The following PIWIL1 variants were observed in gnomAD, a reference collection of about 807,000 sequenced individuals.
The protein encoded by PIWIL1 is piwi like RNA-mediated gene silencing 1.
In PIWIL1, 73 loss-of-function variants were observed where a neutral mutation model predicts 114.4. The ratio of observed to expected loss-of-function variants is 0.64; its 90% CI spans 0.53 to 0.78. The LOEUF is 0.78. Among genes scored for constraint, PIWIL1 ranks in the 30% least tolerant of loss-of-function variants. PIWIL1 has a pLI of 0.00. For synonymous variants in PIWIL1, 375 were observed against 369.0 expected (o/e 1.02, Z -0.19); for missense variants, 723 against 1,063.1 (o/e 0.68, Z 4.45).
the PIWIL1 span, chr12:130,397,344 G>A: frequency 2.5e-6 from 1 of 398,992 alleles, no homozygotes; most frequent in Non-Finnish European, 4.4e-6. Context: ...TTTGGCAGTT[G>A]TCCGGAAGCA....
At chr12:130,414,340 A>G in the PIWIL1 span, 2 of 1,544,512 alleles carry the variant, frequency 1.3e-6, no homozygotes, top group Admixed American at 3.9e-5. Flanking sequence ...ACAGAGCGGC[A>G]GTGAGCCTAA....
chr12:130,400,586 G>A, the PIWIL1 span, among the ~76,000 whole-genome samples: 3 of 152,088 alleles, frequency 2.0e-5, no homozygotes, highest in African/African-American at 7.2e-5. Flanking sequence ...GCTGGCTCTG[G>A]GCAACACGGA....
At chr12:130,353,250 C>T (rs866491813) in intron 9 of PIWIL1, among the ~76,000 whole-genome samples, 83 of 86,552 alleles carry the variant, frequency 9.6e-4, no homozygotes, top group Non-Finnish European at 1.1e-3. Flanking sequence ...TTTTTGTTCT[C>T]CTGGTATGCT....
downstream of PIWIL1, among the ~76,000 whole-genome samples, chr12:130,377,047 C>T (rs949279739): frequency 5.3e-5 from 8 of 152,196 alleles, no homozygotes; most frequent in Admixed American, 2.0e-4. Context: ...CCCCTGTGAG[C>T]GTGCAGCCTA....
At chr12:130,406,172 A>G in the PIWIL1 span, 2 of 1,517,780 alleles carry the variant, frequency 1.3e-6, no homozygotes, top group Non-Finnish European at 9.1e-7. Flanking sequence ...AAAAACTTAC[A>G]TAATAAAATC....
the PIWIL1 span, among the ~76,000 whole-genome samples, chr12:130,420,555 T>G: frequency 6.6e-6 from 1 of 152,304 alleles, no homozygotes; most frequent in South Asian, 2.1e-4. The surrounding 1 kb of genome is among the most constrained non-coding windows in gnomAD (Gnocchi z 4.3). Context: ...TTTATGATAC[T>G]AATAAAACTT....
chr12:130,408,160 G>A, the PIWIL1 span, among the ~76,000 whole-genome samples: 4 of 152,322 alleles, frequency 2.6e-5, no homozygotes, highest in Admixed American at 6.5e-5. Context: ...TGGCCAGCAC[G>A]GGGAGGCCGT....
chr12:130,407,633 G>A, the PIWIL1 span: 3 of 967,138 alleles, frequency 3.1e-6, no homozygotes, highest in South Asian at 2.6e-5. Flanking sequence ...GAAGGAATGA[G>A]GAGGTGAACA....
the PIWIL1 span, chr12:130,414,100 C>G: frequency 1.9e-6 from 3 of 1,613,030 alleles, no homozygotes; most frequent in East Asian, 6.7e-5. Context: ...GCTGATGAAG[C>G]CGCCCGCAGG....
At chr12:130,375,948 A>C (rs11835976), downstream of PIWIL1, among the ~76,000 whole-genome samples, 3 of 151,960 alleles carry the variant, frequency 2.0e-5, no homozygotes, top group Admixed American at 6.5e-5. Context: ...CCCACACCTG[A>C]CTGTTCCTTC....
At chr12:130,384,781 C>T in the PIWIL1 span, among the ~76,000 whole-genome samples, 2 of 151,030 alleles carry the variant, frequency 1.3e-5, no homozygotes, top group African/African-American at 5.0e-5. Flanking sequence ...TCTAATGCCT[C>T]CCAACATGTT....
the PIWIL1 span, among the ~76,000 whole-genome samples, chr12:130,403,027 C>G: frequency 2.0e-5 from 3 of 152,182 alleles, no homozygotes; most frequent in Non-Finnish European, 4.4e-5. Flanking sequence ...CTCGGGGGTC[C>G]CTGCTTACGC....
chr12:130,394,525 A>T, the PIWIL1 span, among the ~76,000 whole-genome samples: 1 of 152,210 alleles, frequency 6.6e-6, no homozygotes, highest in Non-Finnish European at 1.5e-5. Flanking sequence ...TTTTCCCAAA[A>T]GCTTCCAATA....
chr12:130,402,291 G>A, the PIWIL1 span, among the ~76,000 whole-genome samples: 1 of 152,090 alleles, frequency 6.6e-6, no homozygotes, highest in Non-Finnish European at 1.5e-5. Flanking sequence ...TCCATTCAAC[G>A]TTGTTCTTAT....
intron 16 of PIWIL1, among the ~76,000 whole-genome samples, chr12:130,362,229 C>A (rs546212050): frequency 6.6e-6 from 1 of 152,242 alleles, no homozygotes; most frequent in South Asian, 2.1e-4. Context: ...CTCCTCCCAC[C>A]TTCCACCCCC....
chr12:130,413,049 T>G, the PIWIL1 span, among the ~76,000 whole-genome samples: 1 of 152,072 alleles, frequency 6.6e-6, no homozygotes, highest in Non-Finnish European at 1.5e-5. Flanking sequence ...GGGTGTTTGC[T>G]TGGATGAATG....
chr12:130,355,692 G>T lies in PIWIL1; in HGVS notation c.1404+25G>T, dbSNP rs758059994. 4.6e-6 allele frequency: 7 copies of T among 1,520,562 alleles called. No individual in the cohort carries two copies. In the South Asian group the frequency reaches 6.7e-5, roughly 15 times the overall value. 94.2% of individuals were successfully genotyped at this position (1,520,562 alleles called of 1,614,324 possible). On this transcript the variant is annotated intron_variant, in intron 12 of 20. Transcript: ENST00000245255. ...AGTAAGGCAGTTTTTCGTTGGTGTT[G>T]TTGTTGTTTTTGAGACGGAGTCTCG...
chr12:130,406,260 T>C, the PIWIL1 span: 135 of 1,553,146 alleles, frequency 8.7e-5, no homozygotes, highest in African/African-American at 1.6e-3. Flanking sequence ...AGATGAAACA[T>C]AAAATTAATC....
chr12:130,379,073 T>C, the PIWIL1 span, among the ~76,000 whole-genome samples: 3 of 152,224 alleles, frequency 2.0e-5, no homozygotes, highest in African/African-American at 4.8e-5. Context: ...AGTTCTTGAT[T>C]TGTATTCTGA....
Sources: allele counts gnomAD v4.1 joint callset (sites outside exome capture counted in the v4.1 genomes callset), GRCh38; gene constraint gnomAD v4.1.1; non-coding constraint Gnocchi (gnomAD v3.1); transcripts MANE v1.5; gene names NCBI Gene and HGNC (gene_info 2026-07-23, HGNC 2026-07-21).